Variants in USP3 observed in about 807,000 individuals in gnomAD.
USP3 encodes the protein ubiquitin carboxyl-terminal hydrolase 3.
USP3 carries 20 observed loss-of-function variants against 72.3 expected under a neutral mutation model. The ratio of observed to expected loss-of-function variants is 0.28; its 90% confidence interval spans 0.19 to 0.40. The LOEUF is 0.40. USP3 is among the 10% of genes least tolerant of loss of function. The pLI, the probability that USP3 is intolerant of heterozygous loss-of-function variation, is 1.00. For synonymous variants in USP3, 222 were observed against 225.3 expected, an observed-to-expected ratio of 0.99 and a Z score of 0.13; for missense variants, 479 against 633.9, an observed-to-expected ratio of 0.76 and a Z score of 2.62.
In USP3 at chr15:63,563,076, T is replaced by C. The variant is rs1164938119; in HGVS notation, c.761+68T>C. The C allele has an allele frequency of 4.4e-6, 5 of 1,129,326 alleles. No individual in the cohort carries two copies. The East Asian group carries it at 1.1e-4, about 25-fold the overall frequency. 70.0% of individuals were successfully genotyped at this position (1,129,326 alleles called of 1,614,324 possible). On this transcript the variant is annotated intron_variant, in intron 8 of 14. Coordinates refer to ENST00000380324, the MANE Select transcript of USP3 (RefSeq NM_006537.4). ...TTTATACTGTTCCTGAAATAATTCC[T>C]AATGAAGTGGTTGTATTCTAAATAT...
intron 1 of USP3, among the ~76,000 whole-genome samples, chr15:63,510,415 G>T (rs1213188897): frequency 2.0e-5 from 3 of 151,974 alleles, no homozygotes; most frequent in Non-Finnish European, 2.9e-5. Flanking sequence ...CAAAATGTTA[G>T]TCTCCTTTGA....
chr15:63,557,990 G>T, intron 5 of USP3, 116 bp from the exon 6 acceptor site: 2 of 920,738 alleles, frequency 2.2e-6, no homozygotes, highest in South Asian at 2.9e-5. Flanking sequence ...GACAGAAAAG[G>T]ACCAATTCCA....
intron 2 of USP3, among the ~76,000 whole-genome samples, 158 bp downstream of exon 2, chr15:63,532,865 T>G (rs919056607): frequency 6.6e-6 from 1 of 152,212 alleles, no homozygotes; most frequent in Non-Finnish European, 1.5e-5. Context: ...CCCTTTGTTC[T>G]GTGATACAAC....
intron 3 of USP3, chr15:63,542,194 T>C (rs923761779): frequency 4.6e-5 from 45 of 984,138 alleles, no homozygotes; most frequent in Admixed American, 1.2e-4. Context: ...GAGAAAGAGG[T>C]AGAGATTTTT....
chr15:63,561,235 T>TAA (rs2066603177), intron 7 of USP3, among the ~76,000 whole-genome samples: 2 of 152,052 alleles, frequency 1.3e-5, no homozygotes, highest in South Asian at 4.1e-4. Context: ...GTGTATGAGT[T>TAA]AAGAGAAGAG....
chr15:63,564,158 A>T (rs563143104), intron 8 of USP3, among the ~76,000 whole-genome samples: 4 of 152,302 alleles, frequency 2.6e-5, no homozygotes, highest in African/African-American at 9.6e-5. Context: ...GTGTTTTATT[A>T]TTATATAATA....
intron 3 of USP3, among the ~76,000 whole-genome samples, chr15:63,543,752 A>G (rs146132916): frequency 4.4e-4 from 67 of 152,378 alleles, no homozygotes; most frequent in African/African-American, 1.6e-3. Flanking sequence ...GTGCTCATCA[A>G]ACATATTACA....
At chr15:63,582,915 C>T (rs1345448362) in intron 11 of USP3, among the ~76,000 whole-genome samples, 1 of 152,128 alleles carries the variant, frequency 6.6e-6, no homozygotes, top group Non-Finnish European at 1.5e-5. Flanking sequence ...AGATGAGTTA[C>T]TGTGAAATGT....
At position 63,532,652 on chromosome 15, in the gene USP3, C is replaced by T. The variant is rs751262852; in HGVS notation, c.97C>T (p.Arg33Trp). ...SPSSWCCSVC[R>W]SNKSPWVCLT... Reference sequence around the variant, plus strand: ...TGTATTTTTCTTTTTATTAGTGTGCCGGTCCAACAAAAGCCCTTGGGTCTG... The same window carrying T: ...TGTATTTTTCTTTTTATTAGTGTGCTGGTCCAACAAAAGCCCTTGGGTCTG... Residue 33 changes from arginine (R) to tryptophan (W), a missense_variant, in exon 2 of 15, where the codon CGG (arginine) becomes TGG (tryptophan). Coordinates refer to ENST00000380324, the MANE Select transcript of USP3 (RefSeq NM_006537.4). The T allele has an allele frequency of 1.9e-6, 3 of 1,613,762 alleles. No homozygotes were observed. Among genetic ancestry groups the T allele is most frequent in the African/African-American group, 1.3e-5 (1 of 74,848 alleles).
At chr15:63,563,465 A>G (rs922173529) in intron 8 of USP3, among the ~76,000 whole-genome samples, 2 of 152,110 alleles carry the variant, frequency 1.3e-5, no homozygotes, top group Non-Finnish European at 2.9e-5. Context: ...CCTGGGATGC[A>G]CTCTCCAGAA....
At chr15:63,567,437 C>G (rs1459123647) in intron 8 of USP3, among the ~76,000 whole-genome samples, 2 of 151,768 alleles carry the variant, frequency 1.3e-5, no homozygotes, top group Non-Finnish European at 2.9e-5. Flanking sequence ...AGCTCCACCT[C>G]CCAGGTTCAC....
chr15:63,565,425 A>G (rs764958502), intron 8 of USP3, among the ~76,000 whole-genome samples: 27 of 152,318 alleles, frequency 1.8e-4, no homozygotes, highest in East Asian at 3.9e-4. Flanking sequence ...AGCTCTTTCT[A>G]TCCTTTTGCT....
intron 3 of USP3, among the ~76,000 whole-genome samples, chr15:63,547,943 T>G: frequency 7.0e-6 from 1 of 142,132 alleles, no homozygotes; most frequent in Non-Finnish European, 1.5e-5. Flanking sequence ...GCCCAGCACT[T>G]TGGGAAGCAG....
chr15:63,560,191 G>A (rs909709062), intron 7 of USP3, among the ~76,000 whole-genome samples: 17 of 152,074 alleles, frequency 1.1e-4, no homozygotes, highest in Non-Finnish European at 2.4e-4. Context: ...ATGCTGAGGC[G>A]GGTGGATCAC....
chr15:63,524,060 C>G (rs1368657926), intron 1 of USP3, among the ~76,000 whole-genome samples: 1 of 152,136 alleles, frequency 6.6e-6, no homozygotes, highest in Non-Finnish European at 1.5e-5. Context: ...TTTAAACTTA[C>G]TTGTTACTGA....
chr15:63,571,791 A>T (rs1340121357), intron 9 of USP3, among the ~76,000 whole-genome samples: 1 of 152,214 alleles, frequency 6.6e-6, no homozygotes, highest in Non-Finnish European at 1.5e-5. Context: ...CCTTTTCATG[A>T]CATTTTAAAG....
chr15:63,556,647 A>C lies in USP3; in HGVS notation c.369-20A>C. The C allele has an allele frequency of 1.9e-6, 3 of 1,582,950 alleles. No individual in the cohort carries two copies. The highest frequency in any genetic ancestry group is 2.6e-6 in the Non-Finnish European group (3 of 1,165,226). The stretch of plus-strand genomic sequence containing the variant: ...TGCATATATTAATAACTTTTTCACT[A>C]TCTGTTTGTGTTTTAATAGCTCAGC... On this transcript the variant is annotated intron_variant, in intron 4 of 14. Coordinates refer to ENST00000380324, the MANE Select transcript of USP3 (RefSeq NM_006537.4).
At position 63,521,253 on chromosome 15, in the gene USP3, C is replaced by T. The variant is rs1314049480; in HGVS notation, c.92-11394C>T. Among the ~76,000 whole-genome samples, 2 of 151,418 alleles carry T rather than the reference C, an allele frequency of 1.3e-5. 1 individual carries two copies. The highest frequency in any genetic ancestry group is 1.3e-4 in the Admixed American group (2 of 15,190). Reference sequence around the variant, plus strand: ...TTCTAGTACTCCATCTGTGGATGTGCGACAGTGAATTCAACCCATCTCCTA... The same window carrying T: ...TTCTAGTACTCCATCTGTGGATGTGTGACAGTGAATTCAACCCATCTCCTA... On this transcript the variant is annotated intron_variant, in intron 1 of 14. Transcript: ENST00000380324.
chr15:63,535,582 A>G (rs192886974), intron 2 of USP3, among the ~76,000 whole-genome samples: 36 of 152,290 alleles, frequency 2.4e-4, no homozygotes, highest in Non-Finnish European at 3.5e-4. Flanking sequence ...CCTCTTAATC[A>G]TTATTTGACT....
Sources: allele counts gnomAD v4.1 joint callset (sites outside exome capture counted in the v4.1 genomes callset), GRCh38; gene constraint gnomAD v4.1.1; transcripts MANE v1.5; gene names NCBI Gene and HGNC (gene_info 2026-07-23, HGNC 2026-07-21).